Variants in OSBP observed in about 807,000 individuals in gnomAD.
OSBP encodes the protein oxysterol-binding protein 1.
OSBP carries 32 observed loss-of-function variants against 96.6 expected under a neutral mutation model. That is an observed-to-expected ratio of 0.33 (90% CI 0.25 to 0.45). The LOEUF (loss-of-function observed/expected upper bound fraction) is 0.45. Among genes scored for constraint, OSBP ranks in the 20% least tolerant of loss-of-function variants. The pLI is 1.00. For synonymous variants in OSBP, 369 were observed against 389.6 expected, an observed-to-expected ratio of 0.95 and a Z score of 0.62; for missense variants, 653 against 1,029.7, an observed-to-expected ratio of 0.63 and a Z score of 5.01.
chr11:59,602,766 T>TA (rs1468330157), intron 3 of OSBP, among the ~76,000 whole-genome samples: 1 of 152,176 alleles, frequency 6.6e-6, no homozygotes, highest in Non-Finnish European at 1.5e-5. Context: ...GGACTACAGT[T>TA]ATGTACCACC....
At chr11:59,594,758 T>C (rs1235123112) in intron 7 of OSBP, among the ~76,000 whole-genome samples, 1 of 152,240 alleles carries the variant, frequency 6.6e-6, no homozygotes, top group Non-Finnish European at 1.5e-5. Flanking sequence ...AGTTCAGTTC[T>C]GCATCAGGCC....
intron 8 of OSBP, 30 bp downstream of exon 8, chr11:59,593,980 A>C (rs537601279): frequency 9.3e-6 from 15 of 1,607,386 alleles, no homozygotes; most frequent in African/African-American, 8.0e-5. Flanking sequence ...TTCAGAAAGG[A>C]AATGCGTTAT....
chr11:59,594,371 G>T, intron 7 of OSBP, 116 bp from the exon 8 acceptor site: 2 of 977,026 alleles, frequency 2.0e-6, no homozygotes, highest in South Asian at 3.2e-5. Flanking sequence ...GCTCAGTAGA[G>T]CGGCTCTAAT....
intron 2 of OSBP, among the ~76,000 whole-genome samples, chr11:59,609,305 A>G (rs888718169): frequency 1.3e-5 from 2 of 152,186 alleles, no homozygotes; most frequent in Non-Finnish European, 2.9e-5. Context: ...GAGAGCTCAG[A>G]AACTTTATGA....
At chr11:59,612,881 A>C (rs1007177657) in intron 1 of OSBP, among the ~76,000 whole-genome samples, 1 of 152,206 alleles carries the variant, frequency 6.6e-6, no homozygotes, top group Non-Finnish European at 1.5e-5. Context: ...GGGACATCTA[A>C]GTAACTGGGT....
chr11:59,603,291 TAAAG>T (rs774815753), intron 3 of OSBP, among the ~76,000 whole-genome samples: 10 of 152,216 alleles, frequency 6.6e-5, no homozygotes, highest in Non-Finnish European at 1.2e-4. Context: ...AATAAATAAA[TAAAG>T]GAAGGAGGCA....
chr11:59,615,266 G>A, intron 1 of OSBP, 37 bp downstream of exon 1: 3 of 1,526,984 alleles, frequency 2.0e-6, no homozygotes, highest in Non-Finnish European at 2.7e-6. Flanking sequence ...AGATATGGGG[G>A]AGGCAAGGTG....
At chr11:59,593,815 T>A in intron 8 of OSBP, 91 bp from the exon 9 acceptor site, 1 of 1,556,476 alleles carries the variant, frequency 6.4e-7, no homozygotes, top group Non-Finnish European at 8.8e-7. Context: ...AATTCACACT[T>A]GACGTTTTTA....
rs1305329785 is a variant in OSBP, at chr11:59,576,696, C to A, written c.2305G>T (p.Ala769Ser). 2 of 1,613,838 alleles carry A rather than the reference C, an allele frequency of 1.2e-6. No homozygotes were observed. Residue 769 changes from alanine (A) to serine (S), a missense_variant, in exon 14 of 14, where the codon GCA (alanine) becomes TCA (serine). Ala to Ser is a moderately conservative substitution (Grantham distance 99). Transcript: ENST00000263847. ...TCCTTCTTCCGCTCAAACCACAGTG[C>A]CTTATAGGGATCATATGGTGTGCCT... ...EDGTPYDPYKALWFERKKDPV... is the reference protein window; with the variant it reads ...EDGTPYDPYKSLWFERKKDPV...
chr11:59,575,297 A>G lies in OSBP; in HGVS notation c.*1280T>C, dbSNP rs988943470. 1.3e-5 allele frequency: 2 copies of G among 152,248 alleles called. No individual in the cohort carries two copies. The highest frequency in any genetic ancestry group is 1.5e-5 in the Non-Finnish European group (1 of 68,040). 9.4% of individuals were successfully genotyped at this position (152,248 alleles called of 1,614,324 possible). On this transcript the variant is annotated 3_prime_UTR_variant, in exon 14 of 14. Transcript: ENST00000263847. Reference sequence around the variant, plus strand: ...CTAATTAGGAGAGCAGAGTTTAGACAGCAGTAGGCACCCCATGATACAAAC... The same window carrying G: ...CTAATTAGGAGAGCAGAGTTTAGACGGCAGTAGGCACCCCATGATACAAAC...
At chr11:59,600,962 G>C (rs1169083101) in intron 5 of OSBP, 89 bp from the exon 6 acceptor site, 4 of 1,088,596 alleles carry the variant, frequency 3.7e-6, no homozygotes, top group Non-Finnish European at 5.7e-6. Flanking sequence ...AGAATGCCAA[G>C]TACACTGTAT....
chr11:59,595,910 C>G (rs1173507959), intron 7 of OSBP, among the ~76,000 whole-genome samples: 1 of 151,182 alleles, frequency 6.6e-6, no homozygotes, highest in Non-Finnish European at 1.5e-5. Flanking sequence ...TGCCACTGCA[C>G]TCCAGCCTGG....
intron 3 of OSBP, among the ~76,000 whole-genome samples, chr11:59,605,522 C>T (rs1860771630): frequency 6.6e-6 from 1 of 152,096 alleles, no homozygotes; most frequent in African/African-American, 2.4e-5. Flanking sequence ...AAGTGATTCT[C>T]ATGCCTCAGT....
chr11:59,579,344 TTTTTTTGAGACGGCG>T (rs1475374819), intron 11 of OSBP, among the ~76,000 whole-genome samples: 3 of 151,778 alleles, frequency 2.0e-5, no homozygotes, highest in Non-Finnish European at 2.9e-5. Context: ...TCTTTTTTTT[TTTTTTTGAGACGGCG>T]TTTCTCTCTT....
intron 9 of OSBP, among the ~76,000 whole-genome samples, chr11:59,587,577 A>G (rs1466970187): frequency 6.6e-6 from 1 of 152,202 alleles, no homozygotes. Context: ...AAGTAAGTAC[A>G]TAAAAAAGTG....
Position 59,608,126 on chromosome 11 carries a change from AATACATAC to A in OSBP, c.822+350_822+357del, listed in dbSNP as rs141275090. On this transcript the variant is annotated intron_variant, in intron 3 of 13. Transcript: ENST00000263847. ...AGATGAAATGAGACAAAAATAAATA[AATACATAC>A]ATACATACATACATACATACATAAA... Among the ~76,000 whole-genome samples, 849 of 151,070 alleles carry A rather than the reference AATACATAC, an allele frequency of 5.6e-3. 7 individuals are homozygous for A. The highest frequency in any genetic ancestry group is 0.018 in the African/African-American group (762 of 41,246).
intron 12 of OSBP, 126 bp downstream of exon 12, chr11:59,578,021 CAA>C: frequency 1.2e-6 from 1 of 835,434 alleles, no homozygotes; most frequent in East Asian, 2.5e-5. Flanking sequence ...TTAATCTCTC[CAA>C]AAGTCTCAAT....
chr11:59,593,692 A>G lies in OSBP; in HGVS notation c.1590T>C (p.His530=), dbSNP rs80298769. ...VSHHPPAAAH[H]AESKNGWTLR... is the part of the protein sequence containing the mutation. ...ATGTCCAGCCATTTTTGGACTCAGC[A>G]TGGTGCGCAGCAGCAGGGGGATGAT... The change falls in exon 9 of 14, where the codon CAT becomes CAC. Residue 530 remains histidine (H), a synonymous_variant. Transcript: ENST00000263847. 6.2e-6 allele frequency: 10 copies of G among 1,614,164 alleles called. No homozygotes were observed. The East Asian group carries it at 1.8e-4, about 29-fold the overall frequency.
chr11:59,610,798 A>ATTTTT (rs61595958), intron 1 of OSBP, among the ~76,000 whole-genome samples: 1 of 127,130 alleles, frequency 7.9e-6, no homozygotes, highest in Non-Finnish European at 1.7e-5. Flanking sequence ...TCTGAGTCAG[A>ATTTTT]TTTTTTTTTT....
Sources: allele counts gnomAD v4.1 joint callset (sites outside exome capture counted in the v4.1 genomes callset), GRCh38; gene constraint gnomAD v4.1.1; transcripts MANE v1.5; gene names NCBI Gene and HGNC (gene_info 2026-07-23, HGNC 2026-07-21).